KCNQ1: variants seen among roughly 807,000 people sequenced by gnomAD.
KCNQ1 encodes potassium voltage-gated channel subfamily KQT member 1.
KCNQ1 carries 49 observed loss-of-function variants against 72.4 expected under a neutral mutation model. That is an observed-to-expected ratio of 0.68 (90% CI 0.54 to 0.86). The LOEUF is 0.86. Among genes scored for constraint, KCNQ1 ranks in the 40% least tolerant of loss-of-function variants. The pLI, the probability that KCNQ1 is intolerant of heterozygous loss-of-function variation, is 0.00. For synonymous variants in KCNQ1, 450 were observed against 412.6 expected, an observed-to-expected ratio of 1.09 and a Z score of -1.10; for missense variants, 790 against 945.1, an observed-to-expected ratio of 0.84 and a Z score of 2.15.
rs1275366841 is a variant in KCNQ1, at chr11:2,526,247, G to C, written c.387-1681G>C. On this transcript the variant is annotated intron_variant, in intron 1 of 15. Coordinates refer to ENST00000155840, the MANE Select transcript of KCNQ1 (RefSeq NM_000218.3). This position sits in a 1 kb window ranked among gnomAD's most constrained non-coding sequence, Gnocchi z 6.1. Reference sequence around the variant, plus strand: ...GGTGTGTGGGCTGGGGGCGCCGAGGGTGGAGGTGGGCACTGTGGTCAGGGG... The same window carrying C: ...GGTGTGTGGGCTGGGGGCGCCGAGGCTGGAGGTGGGCACTGTGGTCAGGGG... Among the ~76,000 whole-genome samples, 1 of 152,068 alleles carries C rather than the reference G, an allele frequency of 6.6e-6. No homozygotes were observed. The highest frequency in any genetic ancestry group is 6.5e-5 in the Admixed American group (1 of 15,280).
chr11:2,733,564 A>G (rs1590058720), intron 11 of KCNQ1, among the ~76,000 whole-genome samples: 1 of 151,550 alleles, frequency 6.6e-6, no homozygotes, highest in African/African-American at 2.4e-5. Context: ...GTAGCAGGGG[A>G]CCCCCGAGGT....
intron 11 of KCNQ1, among the ~76,000 whole-genome samples, chr11:2,741,728 C>G (rs1011554120): frequency 2.0e-5 from 3 of 152,244 alleles, no homozygotes; most frequent in East Asian, 1.9e-4. Context: ...GTGCTCGGGC[C>G]GGAGCACAGC....
rs1052324402 is a variant in KCNQ1 at position 2,674,198 on chromosome 11, CA to C, written c.1514+12118del. 1.5e-5 allele frequency: 6 copies of C among 398,544 alleles called. No homozygotes were observed. The highest frequency in any genetic ancestry group is 1.0e-4 in the African/African-American group (5 of 48,612). 24.7% of individuals were successfully genotyped at this position (398,544 alleles called of 1,614,324 possible). A position where few individuals can be genotyped will look rare whatever the true frequency, so the allele number is the denominator to read the frequency against. ...TGGGTGTGGCTGGGGAGAGCACAGC[CA>C]GTTGTGGGTTTTTCTTGGGGCCCAG... On this transcript the variant is annotated intron_variant, in intron 11 of 15. Coordinates refer to ENST00000155840, the MANE Select transcript of KCNQ1 (RefSeq NM_000218.3). The surrounding 1 kb of genome is among the most constrained non-coding windows in gnomAD (Gnocchi z 5.9).
rs1464113937 is a variant in KCNQ1, at chr11:2,603,408, A to C, written c.1393+14554A>C. On this transcript the variant is annotated intron_variant, in intron 10 of 15. Coordinates refer to ENST00000155840, the MANE Select transcript of KCNQ1 (RefSeq NM_000218.3). The surrounding 1 kb of genome is among the most constrained non-coding windows in gnomAD (Gnocchi z 4.1). ...TTAATTTTTTAAAAACACAATATCCACAAAGTGCAAAAAAGTGAAGTGTGC... is the reference window on the plus strand; with the variant it reads ...TTAATTTTTTAAAAACACAATATCCCCAAAGTGCAAAAAAGTGAAGTGTGC... 6.6e-6 allele frequency among the ~76,000 whole-genome samples: 1 copy of C among 152,216 alleles called. No homozygotes were observed.
intron 15 of KCNQ1, among the ~76,000 whole-genome samples, chr11:2,805,973 C>T (rs570590010): frequency 3.5e-4 from 53 of 152,224 alleles, no homozygotes; most frequent in East Asian, 1.4e-3. Flanking sequence ...GGAAACAGAC[C>T]GCATGTGCAG....
At chr11:2,485,458 C>T (rs575474111) in intron 1 of KCNQ1, among the ~76,000 whole-genome samples, 26 of 146,276 alleles carry the variant, frequency 1.8e-4, no homozygotes, top group African/African-American at 5.5e-4. Flanking sequence ...CGTGTGTTTT[C>T]CTGTATCCCC....
chr11:2,469,755 G>C (rs557482331), intron 1 of KCNQ1, among the ~76,000 whole-genome samples: 1 of 151,296 alleles, frequency 6.6e-6, no homozygotes, highest in Non-Finnish European at 1.5e-5. Flanking sequence ...CTCACTGCAA[G>C]CTCCGCCTTC....
At chr11:2,535,248 T>C (rs1847710815) in intron 2 of KCNQ1, among the ~76,000 whole-genome samples, 1 of 152,148 alleles carries the variant, frequency 6.6e-6, no homozygotes, top group Non-Finnish European at 1.5e-5. Context: ...AAGGTGAAAG[T>C]GGACCAGGGG....
Position 2,808,186 on chromosome 11 carries a change from T to C in KCNQ1, c.1794+30149T>C, listed in dbSNP as rs1042068572. Among the ~76,000 whole-genome samples the C allele has an allele frequency of 3.3e-5, 5 of 152,210 alleles. No individual in the cohort carries two copies. Among genetic ancestry groups the C allele is most frequent in the Admixed American group, 1.3e-4 (2 of 15,282 alleles). On this transcript the variant is annotated intron_variant, in intron 15 of 15. Transcript: ENST00000155840. The surrounding 1 kb of genome is among the most constrained non-coding windows in gnomAD (Gnocchi z 6.0). Reference sequence around the variant, plus strand: ...CACCAGACCAAGATCTGATGCCATCTGCCCAGGGCATTGAGGGTGAACCCA... The same window carrying C: ...CACCAGACCAAGATCTGATGCCATCCGCCCAGGGCATTGAGGGTGAACCCA...
rs1353221167 is a variant in KCNQ1, at chr11:2,446,703, C to T, written c.386+1219C>T. Among the ~76,000 whole-genome samples the T allele has an allele frequency of 6.6e-6, 1 of 152,178 alleles. No individual in the cohort carries two copies. Among genetic ancestry groups the T allele is most frequent in the Non-Finnish European group, 1.5e-5 (1 of 68,032 alleles). On this transcript the variant is annotated intron_variant, in intron 1 of 15. Coordinates refer to ENST00000155840, the MANE Select transcript of KCNQ1 (RefSeq NM_000218.3). The surrounding 1 kb of genome is among the most constrained non-coding windows in gnomAD (Gnocchi z 8.8). ...AAGGGGAAGTCTTACCCACCTCCCTCCTCAAAGATGTGGTTGGGGGGTGAT... is the reference window on the plus strand; with the variant it reads ...AAGGGGAAGTCTTACCCACCTCCCTTCTCAAAGATGTGGTTGGGGGGTGAT...
Position 2,848,056 on chromosome 11 carries a change from GC to G in KCNQ1, c.*57del. ...TGAGTGAGAGGGGAGGCCAAGAGTG[GC>G]CCCACCTGGCCCTCTCTGAAGGAGG... On this transcript the variant is annotated 3_prime_UTR_variant, in exon 16 of 16. Coordinates refer to ENST00000155840, the MANE Select transcript of KCNQ1 (RefSeq NM_000218.3). The G allele has an allele frequency of 7.0e-7, 1 of 1,425,376 alleles. No homozygotes were observed. The allele number at this position is 1,425,376 out of a possible 1,614,324, so 88.3% of individuals were successfully genotyped here.
chr11:2,841,909 G>C (rs1246224058), intron 15 of KCNQ1, among the ~76,000 whole-genome samples: 4 of 152,196 alleles, frequency 2.6e-5, no homozygotes, highest in Non-Finnish European at 4.4e-5. Context: ...CCCGCTCCTG[G>C]GGGGTGGTCA....
chr11:2,842,321 G>A (rs540966647), intron 15 of KCNQ1, among the ~76,000 whole-genome samples: 1 of 152,302 alleles, frequency 6.6e-6, no homozygotes, highest in Admixed American at 6.5e-5. Flanking sequence ...TGTGACCATG[G>A]GTCCCAGACT....
chr11:2,527,829 C>G (rs538060780), intron 1 of KCNQ1, 99 bp from the exon 2 acceptor site: 16 of 989,584 alleles, frequency 1.6e-5, no homozygotes, highest in Non-Finnish European at 2.4e-5. Flanking sequence ...CTGTTCCTAC[C>G]TGGGGGCGGG....
intron 15 of KCNQ1, among the ~76,000 whole-genome samples, chr11:2,842,902 T>C (rs1848243289): frequency 6.6e-6 from 1 of 152,206 alleles, no homozygotes; most frequent in South Asian, 2.1e-4. Context: ...CCCTGTTTTA[T>C]AGGCAGGGAA....
At chr11:2,796,141 C>A (rs1847124317) in intron 15 of KCNQ1, among the ~76,000 whole-genome samples, 1 of 152,258 alleles carries the variant, frequency 6.6e-6, no homozygotes, top group African/African-American at 2.4e-5. Flanking sequence ...GCACTTCCTC[C>A]CGGCATGCAT....
chr11:2,808,486 G>A lies in KCNQ1; in HGVS notation c.1794+30449G>A, dbSNP rs114137391. The stretch of plus-strand genomic sequence containing the variant: ...TAGCATTCAGAGTTGCTATTAATAG[G>A]CTCTGATGCAGAACTGAGCAGAGAA... On this transcript the variant is annotated intron_variant, in intron 15 of 15. Transcript: ENST00000155840. The surrounding 1 kb of genome is among the most constrained non-coding windows in gnomAD (Gnocchi z 6.0). 2.6e-4 allele frequency among the ~76,000 whole-genome samples: 40 copies of A among 152,266 alleles called. No individual in the cohort carries two copies. Among genetic ancestry groups the A allele is most frequent in the Admixed American group, 2.0e-3 (31 of 15,304 alleles).
At chr11:2,696,202 A>C in intron 11 of KCNQ1, 1 of 398,556 alleles carries the variant, frequency 2.5e-6, no homozygotes, top group Non-Finnish European at 4.4e-6. Context: ...CTGGCCCTGG[A>C]GATTATTCAT....
chr11:2,799,237 A>G (rs1477917662), intron 15 of KCNQ1, among the ~76,000 whole-genome samples: 2 of 152,242 alleles, frequency 1.3e-5, no homozygotes, highest in African/African-American at 2.4e-5. Flanking sequence ...GGGCCGGACC[A>G]CGGGGGCGGT....
Sources: gnomAD v4.1 joint callset for allele counts (sites outside exome capture counted in the v4.1 genomes callset) on GRCh38, gnomAD v4.1.1 for gene constraint, Gnocchi (gnomAD v3.1) non-coding constraint, MANE v1.5 for transcripts, NCBI Gene and HGNC (gene_info 2026-07-23, HGNC 2026-07-21) for gene names.